The following WNT5A variants were observed in gnomAD, a reference collection of about 807,000 sequenced individuals.
WNT5A encodes protein Wnt-5a.
A neutral mutation model predicts 42.1 loss-of-function variants in WNT5A; 9 were observed. The ratio of observed to expected loss-of-function variants is 0.21; its 90% confidence interval spans 0.13 to 0.37. The LOEUF (loss-of-function observed/expected upper bound fraction) is 0.37. WNT5A is among the 10% of genes least tolerant of loss of function. The pLI is 1.00. For synonymous variants in WNT5A, 210 were observed against 210.0 expected, an observed-to-expected ratio of 1.00 and a Z score of 0.00; for missense variants, 426 against 534.0, an observed-to-expected ratio of 0.80 and a Z score of 1.99.
the WNT5A span, among the ~76,000 whole-genome samples, chr3:55,503,682 G>A: frequency 6.6e-6 from 1 of 152,180 alleles, no homozygotes; most frequent in Non-Finnish European, 1.5e-5. Context: ...CAGGTGCAGT[G>A]GCTCATGCCT....
rs1369701937 is a variant in WNT5A at position 55,480,810 on chromosome 3, C to T, written c.115G>A (p.Val39Ile). The T allele has an allele frequency of 6.4e-7, 1 of 1,572,606 alleles. No individual in the cohort carries two copies. The highest frequency in any genetic ancestry group is 1.2e-5 in the South Asian group (1 of 84,304). ...ALAIFFSFAQ[V>I]VIEANSWWSL... ...CACCAAGAATTGGCTTCAATTACAA[C>T]CTGGGCGAAGGAGAAAAATATGGCC... Residue 39 changes from valine (V) to isoleucine (I), a missense_variant, in exon 2 of 5, where the codon GTT becomes ATT. By Grantham distance (29) the Val-to-Ile change is conservative. Around this residue, in one of 3 missense-constraint regions of WNT5A, gnomAD observed 62 missense variants for 49.0 expected, o/e 1.26. Coordinates refer to ENST00000264634, the MANE Select transcript of WNT5A (RefSeq NM_003392.7).
At chr3:55,485,702 C>T (rs1239756304) in intron 1 of WNT5A, among the ~76,000 whole-genome samples, 1 of 152,106 alleles carries the variant, frequency 6.6e-6, no homozygotes, top group Admixed American at 6.5e-5. Context: ...GCGACCTCAC[C>T]GCAAGGCCCA....
the WNT5A span, among the ~76,000 whole-genome samples, chr3:55,502,336 G>A: frequency 6.6e-6 from 1 of 152,198 alleles, no homozygotes; most frequent in African/African-American, 2.4e-5. Context: ...ATGCTAGCTT[G>A]CTAATGCACA....
Position 55,474,646 on chromosome 3 carries a change from G to T in WNT5A, c.392-17C>A. On this transcript the variant is annotated splice_polypyrimidine_tract_variant and intron_variant, in intron 3 of 4. Transcript: ENST00000264634. ...CGCGGCTGCCTGTGGGTGAGGACAA[G>T]GGATCACTGGCCGCCTGCCTCACGC... The T allele has an allele frequency of 1.4e-6, 2 of 1,392,976 alleles. No homozygotes were observed. Among genetic ancestry groups the T allele is most frequent in the South Asian group, 1.6e-5 (1 of 61,926 alleles). The allele number at this position is 1,392,976 out of a possible 1,614,324, so 86.3% of individuals were successfully genotyped here. A position where few individuals can be genotyped will look rare whatever the true frequency, so the allele number is the denominator to read the frequency against.
chr3:55,488,433 A>G (rs999873762), upstream of WNT5A: 2 of 151,896 alleles, frequency 1.3e-5, no homozygotes, highest in African/African-American at 2.4e-5. Context: ...AAAAGAAAGA[A>G]AGAAAGAAAG....
chr3:55,473,403 T>G (rs1001797581), intron 4 of WNT5A, among the ~76,000 whole-genome samples: 2 of 152,220 alleles, frequency 1.3e-5, no homozygotes, highest in African/African-American at 4.8e-5. Flanking sequence ...CTGCCAAAGT[T>G]AAGAAAAGTT....
chr3:55,477,604 A>T (rs1429022920), intron 3 of WNT5A, among the ~76,000 whole-genome samples: 1 of 152,210 alleles, frequency 6.6e-6, no homozygotes, highest in African/African-American at 2.4e-5. Context: ...AATTAAATAC[A>T]GGCTTTTGTA....
At chr3:55,503,960 C>T in the WNT5A span, among the ~76,000 whole-genome samples, 38 of 151,962 alleles carry the variant, frequency 2.5e-4, no homozygotes, top group Admixed American at 1.5e-3. Context: ...AACAAACAAA[C>T]GAACAAAAAA....
At chr3:55,480,112 C>A (rs914928144) in intron 2 of WNT5A, among the ~76,000 whole-genome samples, 4 of 152,158 alleles carry the variant, frequency 2.6e-5, no homozygotes, top group Non-Finnish European at 5.9e-5. Flanking sequence ...GGACCCAAGA[C>A]AGGGTACCCA....
intron 1 of WNT5A, among the ~76,000 whole-genome samples, chr3:55,484,980 G>A (rs941672207): frequency 4.6e-5 from 7 of 152,182 alleles, no homozygotes; most frequent in Non-Finnish European, 8.8e-5. Context: ...GCCTCCTAGG[G>A]CGACACTCTC....
intron 3 of WNT5A, among the ~76,000 whole-genome samples, chr3:55,477,316 CT>C (rs1448234149): frequency 1.3e-5 from 2 of 152,210 alleles, no homozygotes; most frequent in Non-Finnish European, 2.9e-5. Flanking sequence ...TCTCCTGTCT[CT>C]TTTTTAATTA....
At chr3:55,495,991 T>G in the WNT5A span, among the ~76,000 whole-genome samples, 1 of 152,216 alleles carries the variant, frequency 6.6e-6, no homozygotes, top group Non-Finnish European at 1.5e-5. Context: ...TTTTTTAACT[T>G]TTCAAGAATT....
chr3:55,466,402 A>T lies in WNT5A; in HGVS notation c.*3690T>A, dbSNP rs956123968. The T allele has an allele frequency of 1.3e-5, 2 of 152,184 alleles. No homozygotes were observed. The highest frequency in any genetic ancestry group is 4.8e-5 in the African/African-American group (2 of 41,450). 9.4% of individuals were successfully genotyped at this position (152,184 alleles called of 1,614,324 possible). ...TTATTCAGAGTATTTACTCTGCTAT[A>T]GCGTCATATTTGATAATTCTAGTGG... On this transcript the variant is annotated 3_prime_UTR_variant, in exon 5 of 5. Transcript: ENST00000264634.
intron 4 of WNT5A, among the ~76,000 whole-genome samples, chr3:55,473,882 C>T (rs1214424424): frequency 6.6e-6 from 1 of 152,154 alleles, no homozygotes; most frequent in Non-Finnish European, 1.5e-5. Context: ...GAAAGTTATT[C>T]CCATTTTTAT....
intron 3 of WNT5A, 50 bp from the exon 4 acceptor site, chr3:55,474,679 C>A: frequency 4.1e-6 from 1 of 246,048 alleles, no homozygotes; most frequent in South Asian, 1.6e-4. Context: ...CGCGCTGGGC[C>A]GGGATGCTGC....
chr3:55,504,917 TC>T, the WNT5A span, among the ~76,000 whole-genome samples: 1 of 152,224 alleles, frequency 6.6e-6, no homozygotes, highest in Non-Finnish European at 1.5e-5. Context: ...ATTAATTTTG[TC>T]TTTTTCTGAG....
At chr3:55,501,920 T>C in the WNT5A span, 13 of 152,258 alleles carry the variant, frequency 8.5e-5, no homozygotes, top group African/African-American at 3.1e-4. Flanking sequence ...TACTCTGTTA[T>C]CAATTTTGAC....
In WNT5A at chr3:55,470,990, A is replaced by G. The variant is rs182136156; in HGVS notation, c.685-440T>C. ...CCCAGAGAGATGAGCCACTCACCCA[A>G]CTCCCGGGGAGTAAAGGTGCCAGGA... On this transcript the variant is annotated intron_variant, in intron 4 of 4. Coordinates refer to ENST00000264634, the MANE Select transcript of WNT5A (RefSeq NM_003392.7). Among the ~76,000 whole-genome samples the G allele has an allele frequency of 4.6e-5, 7 of 152,192 alleles. No homozygotes were observed. In the East Asian group the frequency reaches 1.2e-3, roughly 25 times the overall value.
intron 1 of WNT5A, among the ~76,000 whole-genome samples, chr3:55,484,116 G>A (rs2051525318): frequency 6.6e-6 from 1 of 152,172 alleles, no homozygotes; most frequent in South Asian, 2.1e-4. Context: ...CAAATAGGCG[G>A]AAGAAGCCCA....
Sources: gnomAD v4.1 joint callset for allele counts (sites outside exome capture counted in the v4.1 genomes callset) on GRCh38, gnomAD v4.1.1 for gene constraint, gnomAD v4.1.1 regional missense constraint, MANE v1.5 for transcripts, NCBI Gene and HGNC (gene_info 2026-07-23, HGNC 2026-07-21) for gene names.